DNAH6: variants seen among roughly 807,000 people sequenced by gnomAD.
The protein encoded by DNAH6 is dynein axonemal heavy chain 6, also known as axonemal beta dynein heavy chain 6.
In DNAH6, 340 loss-of-function variants were observed where a neutral mutation model predicts 491.4. The observed-to-expected ratio is 0.69, with a 90% CI of 0.63 to 0.76. The LOEUF (loss-of-function observed/expected upper bound fraction) is 0.76. DNAH6 is among the 30% of genes least tolerant of loss of function. DNAH6 has a pLI of 0.00. For missense variants in DNAH6, 4,443 were observed against 4,972.2 expected (o/e 0.89, Z 3.20); for synonymous variants, 1,603 against 1,686.1 (o/e 0.95, Z 1.21).
chr2:84,536,340 C>T (rs73945115), intron 4 of DNAH6, among the ~76,000 whole-genome samples: 1,746 of 152,040 alleles, frequency 0.011, 34 homozygotes, highest in African/African-American at 0.04. Context: ...TGAAAAATTA[C>T]GGCAGCTGCC....
chr2:84,462,654 A>G, the DNAH6 span, among the ~76,000 whole-genome samples: 1,685 of 152,338 alleles, frequency 0.011, 29 homozygotes, highest in African/African-American at 0.039. Context: ...TACTGGTATT[A>G]AATCTCAGGA....
At chr2:84,605,796 A>G (rs894681308) in intron 20 of DNAH6, among the ~76,000 whole-genome samples, 3 of 152,346 alleles carry the variant, frequency 2.0e-5, no homozygotes, top group East Asian at 1.9e-4. Flanking sequence ...AATTTCATAT[A>G]TATGTAAGAG....
At chr2:84,807,693 T>C (rs770084511) in intron 71 of DNAH6, among the ~76,000 whole-genome samples, 15 of 152,290 alleles carry the variant, frequency 9.8e-5, no homozygotes, top group Non-Finnish European at 1.9e-4. Flanking sequence ...TTCATCCTGC[T>C]AGCATTTACC....
intron 40 of DNAH6, among the ~76,000 whole-genome samples, chr2:84,676,796 T>G (rs753465545): frequency 2.6e-5 from 4 of 152,224 alleles, no homozygotes; most frequent in Non-Finnish European, 4.4e-5. Context: ...CTTGAGCAAC[T>G]TACTTAACCA....
At chr2:84,483,108 G>A in the DNAH6 span, among the ~76,000 whole-genome samples, 4 of 152,162 alleles carry the variant, frequency 2.6e-5, no homozygotes, top group South Asian at 8.3e-4. Context: ...CTACAGGTAT[G>A]TGGCACCATG....
intron 45 of DNAH6, among the ~76,000 whole-genome samples, chr2:84,691,020 G>A (rs1433252028): frequency 2.6e-5 from 4 of 152,180 alleles, no homozygotes; most frequent in Non-Finnish European, 5.9e-5. Flanking sequence ...TGCCCCTAAC[G>A]TTGTCACCAC....
intron 4 of DNAH6, among the ~76,000 whole-genome samples, 188 bp from the exon 5 acceptor site, chr2:84,544,045 C>A (rs965624393): frequency 6.6e-6 from 1 of 152,052 alleles, no homozygotes. Flanking sequence ...TTTTAATAAG[C>A]ACAACTTGTT....
intron 18 of DNAH6, among the ~76,000 whole-genome samples, chr2:84,600,214 C>A (rs187474052): frequency 6.6e-6 from 1 of 152,248 alleles, no homozygotes; most frequent in African/African-American, 2.4e-5. Context: ...TCAGTTTATG[C>A]ATTTTTTAAT....
chr2:84,805,643 C>G (rs546162842), intron 70 of DNAH6, 22 bp from the exon 71 acceptor site: 12 of 1,534,586 alleles, frequency 7.8e-6, no homozygotes, highest in Admixed American at 6.3e-5. Flanking sequence ...CTTCACTGTT[C>G]TGTCTCTTAT....
the DNAH6 span, among the ~76,000 whole-genome samples, chr2:84,472,392 A>G: frequency 6.6e-6 from 1 of 152,094 alleles, no homozygotes; most frequent in Admixed American, 6.6e-5. Flanking sequence ...CCCAAAACAC[A>G]AAAGCAAGAT....
At chr2:84,553,108 G>C (rs998676071) in intron 10 of DNAH6, 74 bp downstream of exon 10, 2 of 853,786 alleles carry the variant, frequency 2.3e-6, no homozygotes, top group Admixed American at 2.4e-5. Context: ...GCTGTCAATT[G>C]GTTGTCAGAA....
chr2:84,549,353 A>G (rs1466196376), intron 8 of DNAH6, among the ~76,000 whole-genome samples: 1 of 152,214 alleles, frequency 6.6e-6, no homozygotes, highest in African/African-American at 2.4e-5. Flanking sequence ...TAGAGGCCTT[A>G]GAGCTCCACT....
intron 37 of DNAH6, among the ~76,000 whole-genome samples, chr2:84,663,575 C>T (rs1490520686): frequency 6.6e-6 from 1 of 152,126 alleles, no homozygotes; most frequent in Non-Finnish European, 1.5e-5. Flanking sequence ...TGAACAAAGC[C>T]TCCAAGATAT....
intron 67 of DNAH6, 21 bp from the exon 68 acceptor site, chr2:84,787,143 C>A: frequency 6.8e-7 from 1 of 1,463,570 alleles, no homozygotes; most frequent in South Asian, 1.4e-5. Context: ...TATTTCAGAT[C>A]ATTTTCATTT....
chr2:84,470,089 G>A, the DNAH6 span, among the ~76,000 whole-genome samples: 19 of 152,050 alleles, frequency 1.2e-4, no homozygotes, highest in Admixed American at 2.0e-4. Context: ...TCAGCCAGTC[G>A]GTGCATGCAG....
chr2:84,459,875 A>G, the DNAH6 span: 123,233 of 152,310 alleles, frequency 0.81, 52,694 homozygotes, highest in Non-Finnish European at 0.93. Flanking sequence ...ACCAAAACCT[A>G]TCTTACTGAC....
Position 84,707,549 on chromosome 2 carries a change from C to T in DNAH6, c.8881C>T (p.Leu2961=), listed in dbSNP as rs1337893353. Residue 2961 remains leucine, a synonymous_variant, in exon 54 of 77, where the codon CTA becomes TTA. Transcript: ENST00000389394. ...AKTMALTKAR[L]VRAGKLTAAL... ...GACCATGGCCCTGACAAAAGCACGT[C>T]TAGTACGTGCTGGAAAGCTGACAGC... 6.4e-7 allele frequency: 1 copy of T among 1,551,794 alleles called. No homozygotes were observed. The highest frequency in any genetic ancestry group is 1.2e-5 in the South Asian group (1 of 84,050).
intron 64 of DNAH6, among the ~76,000 whole-genome samples, chr2:84,763,297 A>G (rs1181062384): frequency 1.3e-5 from 2 of 152,062 alleles, no homozygotes; most frequent in South Asian, 2.1e-4. Context: ...AGAGCTCTTC[A>G]TGTTCTATTA....
chr2:84,634,295 A>G lies in DNAH6; in HGVS notation c.4516-209A>G, dbSNP rs73945844. 0.039 allele frequency among the ~76,000 whole-genome samples: 5,968 copies of G among 152,300 alleles called. 412 individuals are homozygous for G. Among genetic ancestry groups the G allele is most frequent in the African/African-American group, 0.14 (5,685 of 41,534 alleles). On this transcript the variant is annotated intron_variant, in intron 29 of 76. Coordinates refer to ENST00000389394, the MANE Select transcript of DNAH6 (RefSeq NM_001370.2). Reference sequence around the variant, plus strand: ...TCAGATTGTCATTTTGTTTAAAAATAAAACAGATTCAAATCACTTAGAGAG... The same window carrying G: ...TCAGATTGTCATTTTGTTTAAAAATGAAACAGATTCAAATCACTTAGAGAG...
Sources: allele counts gnomAD v4.1 joint callset (sites outside exome capture counted in the v4.1 genomes callset), GRCh38; gene constraint gnomAD v4.1.1; transcripts MANE v1.5; gene names NCBI Gene and HGNC (gene_info 2026-07-23, HGNC 2026-07-21).